The following PLB1 variants were observed in gnomAD, a reference collection of about 807,000 sequenced individuals.
The protein encoded by PLB1 is phospholipase B1, membrane-associated.
A neutral mutation model predicts 227.4 loss-of-function variants in PLB1; 242 were observed. The ratio of observed to expected loss-of-function variants is 1.06; its 90% CI spans 0.96 to 1.18. The LOEUF is 1.18. Among genes scored for constraint, PLB1 ranks in the 50% most tolerant of loss-of-function variants. The pLI is 0.00. For missense variants in PLB1, 1,858 were observed against 1,816.3 expected (o/e 1.02, Z -0.42); for synonymous variants, 757 against 682.2 (o/e 1.11, Z -1.71).
At position 28,543,795 on chromosome 2, in the gene PLB1, T is replaced by C. The variant is rs75684211; in HGVS notation, c.936+527T>C. On this transcript the variant is annotated intron_variant, in intron 14 of 57. Coordinates refer to ENST00000327757, the MANE Select transcript of PLB1 (RefSeq NM_153021.5). ...CCAGGTCAGCCCCTGGCCCAACATA[T>C]CTAGCGCGCAGCTCGCTCCTGGCCT... Among the ~76,000 whole-genome samples, 535 of 152,276 alleles carry C rather than the reference T, an allele frequency of 3.5e-3. 2 individuals carry two copies. Among genetic ancestry groups the C allele is most frequent in the African/African-American group, 0.012 (515 of 41,564 alleles).
intron 14 of PLB1, among the ~76,000 whole-genome samples, chr2:28,547,218 A>AAAAG (rs1553418238): frequency 8.8e-5 from 8 of 90,824 alleles, no homozygotes; most frequent in East Asian, 5.2e-4. Flanking sequence ...AAAAAAAAAG[A>AAAAG]AAAAAAAAAA....
intron 20 of PLB1, among the ~76,000 whole-genome samples, chr2:28,571,867 T>A (rs1678065725): frequency 6.6e-6 from 1 of 152,118 alleles, no homozygotes; most frequent in Non-Finnish European, 1.5e-5. Context: ...ATCTTTATGA[T>A]CTTGAGCTAA....
Position 28,566,070 on chromosome 2 carries a change from C to G in PLB1, c.1280+717C>G, listed in dbSNP as rs1676839825. Among the ~76,000 whole-genome samples the G allele has an allele frequency of 2.0e-5, 3 of 152,296 alleles. 1 individual carries two copies. Among genetic ancestry groups the G allele is most frequent in the Admixed American group, 2.0e-4 (3 of 15,292 alleles). Reference sequence around the variant, plus strand: ...TTCTGCTCTGTATGTGATCAAACCTCTGCTGCAAGCCCGGGCAGGTTTGGT... The same window carrying G: ...TTCTGCTCTGTATGTGATCAAACCTGTGCTGCAAGCCCGGGCAGGTTTGGT... On this transcript the variant is annotated intron_variant, in intron 19 of 57. Transcript: ENST00000327757.
intron 38 of PLB1, 104 bp downstream of exon 38, chr2:28,602,068 A>G: frequency 8.7e-7 from 1 of 1,143,426 alleles, no homozygotes. Context: ...TCAAGGAGAC[A>G]GCCAGGGGCA....
intron 55 of PLB1, 53 bp downstream of exon 55, chr2:28,632,193 G>A (rs1688723334): frequency 6.4e-6 from 9 of 1,412,166 alleles, no homozygotes; most frequent in South Asian, 3.5e-5. Flanking sequence ...TATCACAGAC[G>A]ATGGATGTAT....
At chr2:28,641,138 A>G (rs1689930100) in intron 57 of PLB1, 137 bp downstream of exon 57, 9 of 781,992 alleles carry the variant, frequency 1.2e-5, no homozygotes, top group Non-Finnish European at 1.8e-5. Context: ...CTCAAATCCC[A>G]CCTGTCCCCA....
intron 1 of PLB1, among the ~76,000 whole-genome samples, chr2:28,501,389 A>ATATTC (rs1667084676): frequency 6.6e-6 from 1 of 152,242 alleles, no homozygotes; most frequent in Non-Finnish European, 1.5e-5. Flanking sequence ...CTCAGGGTGT[A>ATATTC]TAATCAAAAT....
chr2:28,602,794 C>A lies in PLB1; in HGVS notation c.2674-27C>A, dbSNP rs767647392. 3 of 1,599,798 alleles carry A rather than the reference C, an allele frequency of 1.9e-6. No homozygotes were observed. The African/African-American group carries it at 4.0e-5, about 21-fold the overall frequency. On this transcript the variant is annotated intron_variant, in intron 38 of 57. Transcript: ENST00000327757. ...CCCCAGGAAGAAGTGCCTGGAGCCC[C>A]CCTCTCATCTGCAGCTTTTCCCTTA...
intron 56 of PLB1, among the ~76,000 whole-genome samples, chr2:28,639,492 C>T (rs34820563): frequency 0.089 from 13,526 of 152,206 alleles, 642 homozygotes; most frequent in Non-Finnish European, 0.11. Flanking sequence ...GACAGCTCTT[C>T]CCAGAAGTTA....
chr2:28,522,988 G>A (rs1028230455), intron 4 of PLB1, among the ~76,000 whole-genome samples: 2 of 152,184 alleles, frequency 1.3e-5, no homozygotes, highest in East Asian at 3.8e-4. Context: ...TGCCTTGAGT[G>A]CCTGGAGCAT....
Position 28,632,149 on chromosome 2 carries a change from C to T in PLB1, c.4002+9C>T. On this transcript the variant is annotated intron_variant, in intron 55 of 57. Transcript: ENST00000327757. The stretch of plus-strand genomic sequence containing the variant: ...TCACCCCACTGAACGAGGTGAGCTG[C>T]AGGTATTTTAGGGAGGCTCACGTAT... 6.2e-7 allele frequency: 1 copy of T among 1,607,188 alleles called. No homozygotes were observed. Among genetic ancestry groups the T allele is most frequent in the Non-Finnish European group, 8.5e-7 (1 of 1,173,840 alleles).
chr2:28,626,540 A>G (rs1158299582), intron 51 of PLB1, 32 bp downstream of exon 51: 34 of 1,588,712 alleles, frequency 2.1e-5, no homozygotes, highest in Non-Finnish European at 2.6e-5. Flanking sequence ...TGGGGACCTG[A>G]GAAGGAAGGT....
rs1683249005 is a variant in PLB1 at position 28,598,027 on chromosome 2, G to A, written c.2344G>A (p.Glu782Lys). 2.5e-6 allele frequency: 4 copies of A among 1,613,242 alleles called. No homozygotes were observed. The highest frequency in any genetic ancestry group is 3.3e-5 in the Admixed American group (2 of 59,960). ...SYSAGGDGSL[E>K]NVTTLPNILR... ...CAGTGCAGGAGGGGACGGCTCCCTGGAGAATGTGACCACCTTACCTAGTAA... is the reference window on the plus strand; with the variant it reads ...CAGTGCAGGAGGGGACGGCTCCCTGAAGAATGTGACCACCTTACCTAGTAA... Residue 782 changes from glutamate to lysine, a missense_variant, in exon 34 of 58, where the codon GAG (glutamate) becomes AAG (lysine). By Grantham distance (56) the Glu-to-Lys change is moderately conservative. Coordinates refer to ENST00000327757, the MANE Select transcript of PLB1 (RefSeq NM_153021.5).
Position 28,540,717 on chromosome 2 carries a change from G to A in PLB1, c.774+276G>A, listed in dbSNP as rs557263657. Among the ~76,000 whole-genome samples the A allele has an allele frequency of 7.9e-5, 12 of 152,298 alleles. No homozygotes were observed. In the South Asian group the frequency reaches 1.7e-3, roughly 21 times the overall value. On this transcript the variant is annotated intron_variant, in intron 12 of 57. Transcript: ENST00000327757. ...GAGGCAAAAGATAGTGAGGAACTTC[G>A]AAGATTCATTCTGGAATGCTTTTGG...
At chr2:28,564,311 C>T (rs923886330) in intron 18 of PLB1, among the ~76,000 whole-genome samples, 15 of 152,226 alleles carry the variant, frequency 9.9e-5, no homozygotes, top group Non-Finnish European at 1.6e-4. Flanking sequence ...TGTAAGTGCT[C>T]GAGCCAGGAT....
At chr2:28,632,923 C>T (rs777749312) in intron 55 of PLB1, 21 bp from the exon 56 acceptor site, 1 of 1,597,548 alleles carries the variant, frequency 6.3e-7, no homozygotes, top group African/African-American at 1.3e-5. Context: ...AGGATGATAA[C>T]CTCCTTGCCG....
intron 21 of PLB1, among the ~76,000 whole-genome samples, chr2:28,576,196 A>G (rs754114208): frequency 1.3e-5 from 2 of 152,222 alleles, no homozygotes; most frequent in Non-Finnish European, 2.9e-5. Context: ...TTATTCCCGT[A>G]TTACAATCGA....
At chr2:28,641,121 C>T (rs1161548494) in intron 57 of PLB1, 120 bp downstream of exon 57, 2 of 911,832 alleles carry the variant, frequency 2.2e-6, no homozygotes, top group African/African-American at 1.7e-5. Flanking sequence ...TCACTCACTG[C>T]CGTCTTCTCA....
At chr2:28,638,560 G>T (rs1689628551) in intron 56 of PLB1, among the ~76,000 whole-genome samples, 1 of 152,120 alleles carries the variant, frequency 6.6e-6, no homozygotes, top group Non-Finnish European at 1.5e-5. Flanking sequence ...GAGGAAGGGG[G>T]CTGAGAGTAG....
Sources: gnomAD v4.1 joint callset for allele counts (sites outside exome capture counted in the v4.1 genomes callset) on GRCh38, gnomAD v4.1.1 for gene constraint, MANE v1.5 for transcripts, NCBI Gene and HGNC (gene_info 2026-07-23, HGNC 2026-07-21) for gene names.